Variants in FBXO34 observed in about 807,000 individuals in gnomAD.
FBXO34 encodes the protein F-box only protein 34.
FBXO34 carries 12 observed loss-of-function variants against 24.5 expected under a neutral mutation model. The ratio of observed to expected loss-of-function variants is 0.49; its 90% CI spans 0.31 to 0.79. FBXO34 has a LOEUF of 0.79. Ranked by LOEUF, FBXO34 falls within the 30% of genes least tolerant of loss-of-function variation. The pLI is 0.04. For synonymous variants in FBXO34, 320 were observed against 311.9 expected (o/e 1.03, Z -0.27); for missense variants, 823 against 857.7 (o/e 0.96, Z 0.51).
intron 1 of FBXO34, among the ~76,000 whole-genome samples, chr14:55,305,055 TTAAC>T (rs1190452328): frequency 1.3e-5 from 2 of 152,300 alleles, no homozygotes; most frequent in Middle Eastern, 3.4e-3. Flanking sequence ...ACACCAGCAT[TTAAC>T]TAACCTCAAA....
chr14:55,293,005 C>T (rs906867693), intron 1 of FBXO34, among the ~76,000 whole-genome samples: 1 of 152,172 alleles, frequency 6.6e-6, no homozygotes, highest in Admixed American at 6.5e-5. Context: ...CCCTCAGCCT[C>T]TCTAGTAGCT....
chr14:55,369,618 G>A (rs766570685), downstream of FBXO34: 16 of 1,510,788 alleles, frequency 1.1e-5, no homozygotes, highest in African/African-American at 2.8e-5. Flanking sequence ...GTCCATGCTC[G>A]TTAACGGTGT....
chr14:55,421,927 T>C, the FBXO34 span, among the ~76,000 whole-genome samples: 656 of 152,350 alleles, frequency 4.3e-3, 4 homozygotes, highest in Middle Eastern at 0.031. Flanking sequence ...TCTCAATTTT[T>C]TTAGATGAGG....
the FBXO34 span, chr14:55,377,734 G>A: frequency 1.0e-6 from 1 of 974,856 alleles, no homozygotes; most frequent in South Asian, 1.9e-5. Flanking sequence ...TGGGATTAGG[G>A]AACACGACTC....
At chr14:55,287,937 G>A (rs952624747) in intron 1 of FBXO34, among the ~76,000 whole-genome samples, 4 of 152,146 alleles carry the variant, frequency 2.6e-5, no homozygotes, top group African/African-American at 9.7e-5. Context: ...ATTGTTGTGT[G>A]CCTGTGTTTT....
intron 1 of FBXO34, among the ~76,000 whole-genome samples, chr14:55,294,815 A>G (rs1021489033): frequency 6.6e-6 from 1 of 152,194 alleles, no homozygotes; most frequent in Non-Finnish European, 1.5e-5. Flanking sequence ...TCAGTCTTCT[A>G]GTGGTTTTGT....
the FBXO34 span, among the ~76,000 whole-genome samples, chr14:55,415,132 A>T: frequency 6.6e-6 from 1 of 152,144 alleles, no homozygotes; most frequent in Admixed American, 6.5e-5. Flanking sequence ...CCAGCTTCCA[A>T]ATTATGCAGG....
At chr14:55,440,282 C>G in the FBXO34 span, 3 of 1,352,912 alleles carry the variant, frequency 2.2e-6, no homozygotes, top group South Asian at 1.4e-5. Flanking sequence ...ACTTGGGAAA[C>G]CAAGCCCGCC....
intron 1 of FBXO34, among the ~76,000 whole-genome samples, chr14:55,274,550 A>G (rs1881270738): frequency 6.6e-6 from 1 of 152,204 alleles, no homozygotes; most frequent in South Asian, 2.1e-4. Flanking sequence ...ATTTGAAGGC[A>G]CTAAATTAAA....
chr14:55,399,411 T>C, the FBXO34 span, among the ~76,000 whole-genome samples: 1 of 152,206 alleles, frequency 6.6e-6, no homozygotes, highest in Non-Finnish European at 1.5e-5. Flanking sequence ...CACTGTAATG[T>C]CCAGTAAGGT....
At chr14:55,437,036 C>G in the FBXO34 span, 70 of 1,606,900 alleles carry the variant, frequency 4.4e-5, 1 homozygote, top group Non-Finnish European at 4.3e-5. Flanking sequence ...GTTCCCAAAA[C>G]AGACAGACAA....
chr14:55,373,350 T>C (rs1462538195), downstream of FBXO34, among the ~76,000 whole-genome samples: 2 of 152,328 alleles, frequency 1.3e-5, no homozygotes, highest in African/African-American at 4.8e-5. Flanking sequence ...ATTTCAAATA[T>C]GTGGGAGTGT....
chr14:55,335,051 A>C (rs532011869), intron 1 of FBXO34, among the ~76,000 whole-genome samples: 311 of 152,266 alleles, frequency 2.0e-3, no homozygotes, highest in Admixed American at 2.0e-3. Context: ...AAGTTGACCC[A>C]TTGCAGTGGA....
At chr14:55,283,382 C>T (rs1447783170) in intron 1 of FBXO34, among the ~76,000 whole-genome samples, 2 of 151,974 alleles carry the variant, frequency 1.3e-5, no homozygotes, top group Non-Finnish European at 2.9e-5. Flanking sequence ...AGTTATATTT[C>T]CATCACTTTT....
the FBXO34 span, among the ~76,000 whole-genome samples, chr14:55,405,985 TGA>T: frequency 1.3e-3 from 198 of 152,136 alleles, 1 homozygote; most frequent in Non-Finnish European, 2.3e-3. Context: ...ATGATGTGGG[TGA>T]GGATACCAAA....
chr14:55,360,158 C>CACCT (rs2140102819), intron 3 of FBXO34, among the ~76,000 whole-genome samples: 1 of 152,222 alleles, frequency 6.6e-6, no homozygotes, highest in East Asian at 1.9e-4. Flanking sequence ...CTGCAGCCTC[C>CACCT]ACCTCCTGGG....
chr14:55,309,301 A>T (rs1411644536), intron 1 of FBXO34, among the ~76,000 whole-genome samples: 1 of 152,132 alleles, frequency 6.6e-6, no homozygotes, highest in African/African-American at 2.4e-5. Context: ...TTTTTGCAGG[A>T]GTGTGGCGGT....
chr14:55,346,270 A>T (rs759597475), intron 1 of FBXO34, among the ~76,000 whole-genome samples: 1 of 152,158 alleles, frequency 6.6e-6, no homozygotes, highest in Non-Finnish European at 1.5e-5. Context: ...CTTTGCTTGT[A>T]TTGATAGAGG....
downstream of FBXO34, chr14:55,368,437 C>G (rs187092212): frequency 6.3e-3 from 966 of 152,400 alleles, 3 homozygotes; most frequent in Non-Finnish European, 0.011. Flanking sequence ...CCAGGCTGCT[C>G]TCAAACTCCT....
Sources: gnomAD v4.1 joint callset for allele counts (sites outside exome capture counted in the v4.1 genomes callset) on GRCh38, gnomAD v4.1.1 for gene constraint, MANE v1.5 for transcripts, NCBI Gene and HGNC (gene_info 2026-07-23, HGNC 2026-07-21) for gene names.